Variants in GRIN2A observed in about 807,000 individuals in gnomAD.
GRIN2A encodes the protein glutamate receptor ionotropic, NMDA 2A.
In GRIN2A, 22 loss-of-function variants were observed where a neutral mutation model predicts 113.4. The ratio of observed to expected loss-of-function variants is 0.19; its 90% CI spans 0.14 to 0.28. The LOEUF (loss-of-function observed/expected upper bound fraction) is 0.28. Among genes scored for constraint, GRIN2A ranks in the 10% least tolerant of loss-of-function variants. GRIN2A has a pLI of 1.00. For missense variants in GRIN2A, 1,502 were observed against 1,887.0 expected (o/e 0.80, Z 3.78); for synonymous variants, 827 against 738.4 (o/e 1.12, Z -1.94).
chr16:9,928,096 C>T lies in GRIN2A; in HGVS notation c.1007+9863G>A, dbSNP rs561436387. Among the ~76,000 whole-genome samples the T allele has an allele frequency of 5.9e-5, 9 of 152,302 alleles. No individual in the cohort carries two copies. The South Asian group carries it at 6.2e-4, about 11-fold the overall frequency. On this transcript the variant is annotated intron_variant, in intron 3 of 12. Transcript: ENST00000330684. The stretch of plus-strand genomic sequence containing the variant: ...ACGCAGAACACAGCTAGCACCATCA[C>T]GCTGGACCGTGACTCCTCCATCCCT...
chr16:9,843,456 A>C (rs114190186), intron 5 of GRIN2A, among the ~76,000 whole-genome samples: 1 of 152,276 alleles, frequency 6.6e-6, no homozygotes, highest in African/African-American at 2.4e-5. Context: ...TGGCCTTTCA[A>C]AGTGCTGGGA....
chr16:9,768,806 T>C, intron 12 of GRIN2A, 45 bp downstream of exon 12: 2 of 1,367,044 alleles, frequency 1.5e-6, no homozygotes, highest in East Asian at 4.6e-5. Flanking sequence ...AGCGCTTTTC[T>C]AAACCTGCTT....
At chr16:9,840,380 A>G (rs1321221780) in intron 7 of GRIN2A, among the ~76,000 whole-genome samples, 1 of 152,074 alleles carries the variant, frequency 6.6e-6, no homozygotes, top group African/African-American at 2.4e-5. Flanking sequence ...TATCACAAGA[A>G]CAGAAGGGGA....
chr16:9,804,660 G>C (rs745960474), intron 10 of GRIN2A, among the ~76,000 whole-genome samples: 1 of 151,944 alleles, frequency 6.6e-6, no homozygotes, highest in African/African-American at 2.4e-5. Context: ...GGAGAGGAGC[G>C]ATCCCTCTTC....
chr16:9,821,462 C>T (rs1020246287), intron 10 of GRIN2A, among the ~76,000 whole-genome samples: 2 of 152,104 alleles, frequency 1.3e-5, no homozygotes, highest in Non-Finnish European at 2.9e-5. Flanking sequence ...GTAGGACAGA[C>T]GTCTCCATTG....
At chr16:9,965,948 T>C (rs564136183) in intron 2 of GRIN2A, among the ~76,000 whole-genome samples, 7 of 152,214 alleles carry the variant, frequency 4.6e-5, no homozygotes, top group East Asian at 1.9e-4. Context: ...CACTTGCCAA[T>C]TGCTGCTTTA....
intron 4 of GRIN2A, among the ~76,000 whole-genome samples, chr16:9,851,357 T>C (rs2042879472): frequency 6.6e-6 from 1 of 152,182 alleles, no homozygotes; most frequent in Non-Finnish European, 1.5e-5. Context: ...ATTCACGCTA[T>C]GATATGTAAC....
intron 2 of GRIN2A, among the ~76,000 whole-genome samples, chr16:10,090,009 A>T (rs1382962273): frequency 1.3e-5 from 2 of 152,178 alleles, no homozygotes; most frequent in African/African-American, 4.8e-5. Context: ...AGATGATACC[A>T]TGTGATAAAA....
intron 2 of GRIN2A, among the ~76,000 whole-genome samples, chr16:10,158,804 T>G (rs539560968): frequency 6.6e-6 from 1 of 152,320 alleles, no homozygotes; most frequent in Admixed American, 6.5e-5. Context: ...ACTGGTCTCC[T>G]TTTGGAGTGA....
At position 9,979,680 on chromosome 16, in the gene GRIN2A, G is replaced by A. The variant is rs751692800; in HGVS notation, c.415-41129C>T. On this transcript the variant is annotated intron_variant, in intron 2 of 12. Transcript: ENST00000330684. ...GAAAAGACTGTATCCTCATTCTCTA[G>A]TACAATGCCAGGCATTTAAGCATTT... Among the ~76,000 whole-genome samples the A allele has an allele frequency of 4.0e-5, 6 of 151,672 alleles. 1 individual carries two copies. The South Asian group carries it at 8.3e-4, about 21-fold the overall frequency.
chr16:9,912,475 G>C (rs769191024), intron 3 of GRIN2A, among the ~76,000 whole-genome samples: 2 of 136,204 alleles, frequency 1.5e-5, no homozygotes, highest in Non-Finnish European at 1.5e-5. Flanking sequence ...ATAATGAAAA[G>C]ATAAAGCACT....
intron 2 of GRIN2A, among the ~76,000 whole-genome samples, chr16:10,122,603 C>T (rs1328073702): frequency 6.6e-6 from 1 of 151,412 alleles, no homozygotes; most frequent in Non-Finnish European, 1.5e-5. Context: ...TGTCCCCCAC[C>T]CCCCCAAAAA....
At chr16:10,070,971 G>A (rs9922338) in intron 2 of GRIN2A, among the ~76,000 whole-genome samples, 14,641 of 152,076 alleles carry the variant, frequency 0.096, 784 homozygotes, top group African/African-American at 0.11. Flanking sequence ...AACAACTCTT[G>A]GAGTGCCTTG....
intron 2 of GRIN2A, among the ~76,000 whole-genome samples, chr16:10,029,272 G>A (rs924480962): frequency 6.6e-5 from 10 of 151,632 alleles, no homozygotes; most frequent in South Asian, 2.1e-4. Context: ...TTGGCTCACC[G>A]CAACCTCCGC....
At chr16:9,944,084 C>T (rs1177980091) in intron 2 of GRIN2A, among the ~76,000 whole-genome samples, 3 of 152,162 alleles carry the variant, frequency 2.0e-5, no homozygotes, top group Non-Finnish European at 2.9e-5. Flanking sequence ...GTCAACCCCA[C>T]ACCCATTTCC....
At chr16:9,801,259 C>T (rs1325657000) in intron 10 of GRIN2A, among the ~76,000 whole-genome samples, 3 of 152,202 alleles carry the variant, frequency 2.0e-5, no homozygotes, top group Non-Finnish European at 4.4e-5. Context: ...TCAATACTTC[C>T]CGTATCCATG....
At chr16:9,964,624 C>T (rs986423335) in intron 2 of GRIN2A, among the ~76,000 whole-genome samples, 1 of 152,180 alleles carries the variant, frequency 6.6e-6, no homozygotes, top group Admixed American at 6.5e-5. Context: ...CAGAGGCTGC[C>T]CACATTCCTC....
intron 3 of GRIN2A, among the ~76,000 whole-genome samples, chr16:9,896,059 T>C (rs1426401410): frequency 6.6e-6 from 1 of 152,096 alleles, no homozygotes; most frequent in Non-Finnish European, 1.5e-5. Context: ...GCAACTTTTT[T>C]TTTTTTTGGA....
chr16:9,950,358 AG>A (rs2141671117), intron 2 of GRIN2A, among the ~76,000 whole-genome samples: 1 of 152,062 alleles, frequency 6.6e-6, no homozygotes, highest in East Asian at 1.9e-4. Flanking sequence ...GAGGATCCCT[AG>A]GGAGCCCTTG....
Sources: allele counts gnomAD v4.1 joint callset (sites outside exome capture counted in the v4.1 genomes callset), GRCh38; gene constraint gnomAD v4.1.1; transcripts MANE v1.5; gene names NCBI Gene and HGNC (gene_info 2026-07-23, HGNC 2026-07-21).